ABCA1: variants seen among roughly 807,000 people sequenced by gnomAD.
ABCA1 encodes the protein ATP binding cassette subfamily A member 1.
Under a neutral mutation model 262.5 loss-of-function variants are expected in ABCA1, and 133 were observed. The ratio of observed to expected loss-of-function variants is 0.51; its 90% CI spans 0.44 to 0.59. The LOEUF is 0.59. ABCA1 is among the 20% of genes least tolerant of loss of function. The probability of loss-of-function intolerance (pLI) is 0.00; values close to 1 mark genes in which losing one functional copy is unlikely to be tolerated. For synonymous variants in ABCA1, 1,022 were observed against 1,043.5 expected (o/e 0.98, Z 0.40); for missense variants, 2,452 against 2,777.5 (o/e 0.88, Z 2.63).
At position 104,829,053 on chromosome 9, in the gene ABCA1, C is replaced by T. The variant is rs762093692; in HGVS notation, c.1978G>A (p.Val660Met). 1.1e-5 allele frequency: 18 copies of T among 1,614,074 alleles called. No homozygotes were observed. The highest frequency in any genetic ancestry group is 1.4e-5 in the Non-Finnish European group (16 of 1,180,050). ...TTCAGCCGTGCCTCCTTCTCATACA[C>T]GATGCCCTTGATGATCACAGCCACT... ...YSVAVIIKGI[V>M]YEKEARLKET... The change falls in exon 15 of 50, where the codon GTG becomes ATG. Residue 660 changes from valine (V) to methionine (M), a missense_variant. This residue lies in a region of ABCA1 where 1,032 missense variants were observed against 1,089.7 expected (regional missense o/e 0.95). Transcript: ENST00000374736.
intron 2 of ABCA1, chr9:104,889,436 G>A (rs1453325868): frequency 1.5e-5 from 14 of 905,468 alleles, no homozygotes; most frequent in Non-Finnish European, 1.8e-5. Flanking sequence ...TGCTTTATCT[G>A]GTTCACTTCT....
intron 15 of ABCA1, among the ~76,000 whole-genome samples, chr9:104,827,685 A>C (rs1393738014): frequency 6.6e-6 from 1 of 152,234 alleles, no homozygotes; most frequent in Non-Finnish European, 1.5e-5. Flanking sequence ...TGCAGGACCC[A>C]CCAGCATGCA....
intron 1 of ABCA1, among the ~76,000 whole-genome samples, chr9:104,913,157 G>A (rs1841603765): frequency 6.6e-6 from 1 of 152,174 alleles, no homozygotes; most frequent in Non-Finnish European, 1.5e-5. Context: ...AAAGCATTTG[G>A]TGGGGCAGAC....
chr9:104,876,319 T>C (rs1203075887), intron 5 of ABCA1, among the ~76,000 whole-genome samples: 1 of 152,186 alleles, frequency 6.6e-6, no homozygotes, highest in Non-Finnish European at 1.5e-5. Flanking sequence ...GCTGGGGAAC[T>C]TCTCAGAGGG....
chr9:104,820,813 C>T (rs1482922600), intron 20 of ABCA1, among the ~76,000 whole-genome samples: 1 of 152,162 alleles, frequency 6.6e-6, no homozygotes, highest in Non-Finnish European at 1.5e-5. Context: ...TAATGGGAAG[C>T]AATGTTTCCC....
intron 30 of ABCA1, among the ~76,000 whole-genome samples, chr9:104,809,196 G>C (rs749835555): frequency 3.3e-5 from 5 of 152,226 alleles, no homozygotes; most frequent in Non-Finnish European, 5.9e-5. Context: ...AGTGTAAAGT[G>C]CTATTTAAAT....
intron 5 of ABCA1, among the ~76,000 whole-genome samples, chr9:104,873,759 G>C (rs1229929708): frequency 6.6e-6 from 1 of 152,184 alleles, no homozygotes; most frequent in Non-Finnish European, 1.5e-5. Flanking sequence ...TGCTGGGCCA[G>C]GCACTGTACT....
chr9:104,816,020 T>G, intron 25 of ABCA1, 123 bp downstream of exon 25: 1 of 1,066,946 alleles, frequency 9.4e-7, no homozygotes, highest in Admixed American at 1.7e-5. Flanking sequence ...ATTAATCAGA[T>G]GTCGATGACC....
chr9:104,856,195 A>G, intron 7 of ABCA1: 1 of 1,417,264 alleles, frequency 7.1e-7, no homozygotes, highest in Non-Finnish European at 9.2e-7. Flanking sequence ...TGCTTAATTC[A>G]ATAAGTAAGA....
rs1171779541 is a variant in ABCA1, at chr9:104,816,272, C to T, written c.3609G>A (p.Glu1203=). 3 of 1,614,144 alleles carry T rather than the reference C, an allele frequency of 1.9e-6. No homozygotes were observed. The Admixed American group carries it at 5.0e-5, about 27-fold the overall frequency. ...EARLVEDIGH[E]LTYVLPYEAA... ...CTTCATATGGCAGCACATAGGTCAG[C>T]TCATGCCCTATGTCTTCCACCAGCC... The change falls in exon 25 of 50, where the codon GAG becomes GAA. Residue 1203 remains glutamate (E), a synonymous_variant. Transcript: ENST00000374736.
At chr9:104,895,400 G>A (rs1350102593) in intron 2 of ABCA1, among the ~76,000 whole-genome samples, 6 of 152,058 alleles carry the variant, frequency 3.9e-5, no homozygotes, top group African/African-American at 7.2e-5. Flanking sequence ...TGAATTCTAC[G>A]AAGTTCAGCA....
chr9:104,910,694 T>C (rs1392294596), intron 1 of ABCA1, among the ~76,000 whole-genome samples: 3 of 152,132 alleles, frequency 2.0e-5, no homozygotes, highest in African/African-American at 7.2e-5. Context: ...TATCAATATC[T>C]CTCTTTTTTA....
chr9:104,805,871 G>A (rs541676079), intron 31 of ABCA1, among the ~76,000 whole-genome samples: 3 of 152,324 alleles, frequency 2.0e-5, no homozygotes, highest in Admixed American at 1.3e-4. Context: ...TTGGGAGGCC[G>A]AGGCGGGTGG....
chr9:104,910,046 C>T (rs1841403793), intron 1 of ABCA1, among the ~76,000 whole-genome samples: 1 of 152,160 alleles, frequency 6.6e-6, no homozygotes, highest in African/African-American at 2.4e-5. Flanking sequence ...CCCGCAAGAA[C>T]ACTGCCAACA....
In ABCA1 at chr9:104,913,720, A is replaced by C. The variant is rs373326133; in HGVS notation, c.-92-9949T>G. Among the ~76,000 whole-genome samples the C allele has an allele frequency of 6.6e-5, 10 of 152,262 alleles. No homozygotes were observed. In the East Asian group the frequency reaches 1.4e-3, roughly 21 times the overall value. On this transcript the variant is annotated intron_variant, in intron 1 of 49. Transcript: ENST00000374736. ...ACCACTCACTTATACTATTTTCTCT[A>C]CATTCTCACAGAGGTTGCACCTATC... is the stretch of plus-strand genomic sequence containing the variant.
intron 36 of ABCA1, 31 bp downstream of exon 36, chr9:104,799,788 A>C (rs903680052): frequency 5.6e-6 from 9 of 1,613,526 alleles, no homozygotes; most frequent in Non-Finnish European, 7.6e-6. Context: ...CCCTTGCCCC[A>C]CTCCATCTAT....
intron 1 of ABCA1, among the ~76,000 whole-genome samples, chr9:104,923,125 T>C (rs1842234838): frequency 6.6e-6 from 1 of 152,250 alleles, no homozygotes. Flanking sequence ...AAATAGCTTA[T>C]TTCAAAAGGT....
intron 40 of ABCA1, 80 bp from the exon 41 acceptor site, chr9:104,793,380 C>T (rs1373470147): frequency 2.0e-5 from 32 of 1,586,512 alleles, no homozygotes; most frequent in Non-Finnish European, 2.7e-5. Context: ...GGCCTATGTT[C>T]CTTAAAATTC....
chr9:104,807,843 T>C (rs1400305516), intron 30 of ABCA1, among the ~76,000 whole-genome samples: 2 of 36,622 alleles, frequency 5.5e-5, no homozygotes, highest in African/African-American at 1.5e-4. Flanking sequence ...AATATATATA[T>C]ATACACACAC....
Sources: gnomAD v4.1 joint callset for allele counts (sites outside exome capture counted in the v4.1 genomes callset) on GRCh38, gnomAD v4.1.1 for gene constraint, gnomAD v4.1.1 regional missense constraint, MANE v1.5 for transcripts, NCBI Gene and HGNC (gene_info 2026-07-23, HGNC 2026-07-21) for gene names.